VSNL1: variants seen among roughly 807,000 people sequenced by gnomAD.
VSNL1 encodes the protein visinin-like protein 1.
Under a neutral mutation model 20.4 loss-of-function variants are expected in VSNL1, and 6 were observed. That is an observed-to-expected ratio of 0.29 (90% confidence interval 0.16 to 0.58). The LOEUF (loss-of-function observed/expected upper bound fraction) is 0.58. Among genes scored for constraint, VSNL1 ranks in the 20% least tolerant of loss-of-function variants. VSNL1 has a pLI of 0.90. For synonymous variants in VSNL1, 93 were observed against 86.4 expected (o/e 1.08, Z -0.42); for missense variants, 100 against 234.5 (o/e 0.43, Z 3.75).
chr2:17,544,114 T>C (rs1319863036), intron 1 of VSNL1, among the ~76,000 whole-genome samples: 2 of 152,182 alleles, frequency 1.3e-5, no homozygotes, highest in African/African-American at 2.4e-5. Flanking sequence ...GAAGTCCCAC[T>C]TGGGATCTCT....
chr2:17,601,797 T>G (rs1383390766), intron 2 of VSNL1, among the ~76,000 whole-genome samples: 5 of 151,792 alleles, frequency 3.3e-5, no homozygotes. Context: ...TAGCTGGGTG[T>G]GGTGGCATGC....
intron 2 of VSNL1, among the ~76,000 whole-genome samples, chr2:17,631,168 T>C (rs1190716219): frequency 2.0e-5 from 3 of 151,936 alleles, no homozygotes; most frequent in Non-Finnish European, 2.9e-5. Flanking sequence ...ACAAATTAAA[T>C]GTGAATATTC....
At chr2:17,546,668 G>A (rs1458713236) in intron 1 of VSNL1, among the ~76,000 whole-genome samples, 3 of 152,088 alleles carry the variant, frequency 2.0e-5, no homozygotes, top group East Asian at 1.9e-4. Flanking sequence ...TGAGTAAAAT[G>A]TCCCGTTGGA....
intron 2 of VSNL1, among the ~76,000 whole-genome samples, chr2:17,599,980 T>C (rs1023926592): frequency 2.0e-5 from 3 of 152,204 alleles, no homozygotes; most frequent in African/African-American, 4.8e-5. Context: ...CAAAAGCTTC[T>C]CCCTGGGAAA....
At chr2:17,633,283 C>T (rs574958599) in intron 2 of VSNL1, among the ~76,000 whole-genome samples, 8 of 129,666 alleles carry the variant, frequency 6.2e-5, no homozygotes, top group Non-Finnish European at 1.2e-4. Context: ...ATGGGAGCTA[C>T]AATTCAAGAT....
chr2:17,615,865 C>T (rs904212646), intron 2 of VSNL1, among the ~76,000 whole-genome samples: 3 of 152,200 alleles, frequency 2.0e-5, no homozygotes, highest in African/African-American at 7.2e-5. Flanking sequence ...AAGACTGACT[C>T]ATCTGTCTCT....
intron 2 of VSNL1, among the ~76,000 whole-genome samples, chr2:17,621,286 TTC>T (rs961140132): frequency 4.6e-5 from 7 of 151,808 alleles, no homozygotes; most frequent in African/African-American, 1.7e-4. Context: ...CTTTCTTTTT[TTC>T]TCTCTCTCTT....
intron 1 of VSNL1, among the ~76,000 whole-genome samples, chr2:17,581,518 T>G (rs191453247): frequency 4.7e-4 from 71 of 152,370 alleles, no homozygotes; most frequent in Admixed American, 2.5e-3. Flanking sequence ...AAAGAGGTTT[T>G]TAAAAATGAT....
At chr2:17,637,283 C>A (rs1468199142) in intron 2 of VSNL1, among the ~76,000 whole-genome samples, 2 of 152,214 alleles carry the variant, frequency 1.3e-5, no homozygotes, top group South Asian at 2.1e-4. Flanking sequence ...AGAAGAGCTT[C>A]CCCATCAAGA....
At chr2:17,600,002 C>T (rs1664790440) in intron 2 of VSNL1, among the ~76,000 whole-genome samples, 1 of 152,192 alleles carries the variant, frequency 6.6e-6, no homozygotes, top group South Asian at 2.1e-4. Context: ...CATTTCTTGA[C>T]CTCTCCAATT....
Position 17,655,150 on chromosome 2 carries a change from C to A in VSNL1, c.379-47C>A. On this transcript the variant is annotated intron_variant, in intron 3 of 3. Transcript: ENST00000295156. The surrounding 1 kb of genome is among the most constrained non-coding windows in gnomAD (Gnocchi z 5.2). ...AAGGGAGGCAAGAAGAGCTCTCTGTCCTCCTGGGTTTCTGGTAATATCACC... is the reference window on the plus strand; with the variant it reads ...AAGGGAGGCAAGAAGAGCTCTCTGTACTCCTGGGTTTCTGGTAATATCACC... 1 of 1,594,512 alleles carries A rather than the reference C, an allele frequency of 6.3e-7. No individual in the cohort carries two copies. Among genetic ancestry groups the A allele is most frequent in the Non-Finnish European group, 8.6e-7 (1 of 1,165,934 alleles).
chr2:17,627,736 G>A (rs2103408970), intron 2 of VSNL1, among the ~76,000 whole-genome samples: 1 of 152,358 alleles, frequency 6.6e-6, no homozygotes. Context: ...GTTCACAATA[G>A]TGATGTTACC....
intron 1 of VSNL1, among the ~76,000 whole-genome samples, chr2:17,556,833 G>A (rs1663690996): frequency 6.6e-6 from 1 of 152,174 alleles, no homozygotes; most frequent in Non-Finnish European, 1.5e-5. Context: ...GTCTCTAAGA[G>A]ATGGAATAGG....
At chr2:17,584,362 T>A (rs1286981023) in intron 1 of VSNL1, among the ~76,000 whole-genome samples, 2 of 152,002 alleles carry the variant, frequency 1.3e-5, no homozygotes, top group Non-Finnish European at 2.9e-5. Context: ...ACTCAGGAAA[T>A]GTTCTTTGTG....
Position 17,592,714 on chromosome 2 carries a change from C to G in VSNL1, c.162+478C>G, listed in dbSNP as rs151338321. On this transcript the variant is annotated intron_variant, in intron 2 of 3. Coordinates refer to ENST00000295156, the MANE Select transcript of VSNL1 (RefSeq NM_003385.5). ...GATACTCCTGTATCCAGATAAGAAC[C>G]CAGATTCCCACAACAGAACATTTAG... is the stretch of plus-strand genomic sequence containing the variant. Among the ~76,000 whole-genome samples the G allele has an allele frequency of 7.2e-5, 10 of 139,122 alleles. No homozygotes were observed. The East Asian group carries it at 2.2e-3, about 31-fold the overall frequency. 91.3% of individuals were successfully genotyped at this position (139,122 alleles called of 152,430 possible).
Position 17,622,531 on chromosome 2 carries a change from GAAAAGAAAGAAA to G in VSNL1, c.163-26878_163-26867del, listed in dbSNP as rs1558303527. On this transcript the variant is annotated intron_variant, in intron 2 of 3. Coordinates refer to ENST00000295156, the MANE Select transcript of VSNL1 (RefSeq NM_003385.5). The stretch of plus-strand genomic sequence containing the variant: ...AAAAGAAAGAAAGAAAAGAAAGAAA[GAAAAGAAAGAAA>G]GAAAGAAAGAAAGAAAGAAAGAAAG... Among the ~76,000 whole-genome samples the G allele has an allele frequency of 3.8e-4, 25 of 65,648 alleles. No individual in the cohort carries two copies. The South Asian group carries it at 5.5e-3, about 15-fold the overall frequency. The allele number at this position is 65,648 out of a possible 152,430, so 43.1% of individuals were successfully genotyped here.
At chr2:17,564,773 C>T (rs1172810927) in intron 1 of VSNL1, among the ~76,000 whole-genome samples, 1 of 152,164 alleles carries the variant, frequency 6.6e-6, no homozygotes, top group East Asian at 1.9e-4. Context: ...TCAAAGCAGT[C>T]AGGGTCTAAT....
Position 17,634,335 on chromosome 2 carries a change from TTG to T in VSNL1, c.163-15074_163-15073del, listed in dbSNP as rs1281751787. On this transcript the variant is annotated intron_variant, in intron 2 of 3. Transcript: ENST00000295156. This position sits in a 1 kb window ranked among gnomAD's most constrained non-coding sequence, Gnocchi z 4.3. Reference sequence around the variant, plus strand: ...AAAGAGGAAGCCCTACATTTTCCTTTTGCACTGAGCCCTGCAAATTATGTAAG... The same window carrying T: ...AAAGAGGAAGCCCTACATTTTCCTTTCACTGAGCCCTGCAAATTATGTAAG... Among the ~76,000 whole-genome samples, 1 of 152,170 alleles carries T rather than the reference TTG, an allele frequency of 6.6e-6. No homozygotes were observed. The highest frequency in any genetic ancestry group is 1.5e-5 in the Non-Finnish European group (1 of 68,028).
chr2:17,556,698 A>G (rs1299132487), intron 1 of VSNL1, among the ~76,000 whole-genome samples: 2 of 152,166 alleles, frequency 1.3e-5, no homozygotes, highest in African/African-American at 4.8e-5. Context: ...CATTTAAATG[A>G]AGCTCTTAGG....
Sources: allele counts gnomAD v4.1 joint callset (sites outside exome capture counted in the v4.1 genomes callset), GRCh38; gene constraint gnomAD v4.1.1; non-coding constraint Gnocchi (gnomAD v3.1); transcripts MANE v1.5; gene names NCBI Gene and HGNC (gene_info 2026-07-23, HGNC 2026-07-21).